WWOX: variants seen among roughly 807,000 people sequenced by gnomAD.
WWOX encodes WW domain containing oxidoreductase, also known as WW domain-containing oxidoreductase.
WWOX carries 69 observed loss-of-function variants against 46.2 expected under a neutral mutation model. The observed-to-expected ratio is 1.49, with a 90% CI of 1.23 to 1.82. WWOX has a LOEUF of 1.82. Among genes scored for constraint, WWOX ranks in the 40% most tolerant of loss-of-function variants. WWOX has a pLI of 0.00. For synonymous variants in WWOX, 359 were observed against 202.6 expected, an observed-to-expected ratio of 1.77 and a Z score of -6.56; for missense variants, 919 against 542.6, an observed-to-expected ratio of 1.69 and a Z score of -6.89.
At chr16:78,519,913 C>T (rs995807175) in intron 8 of WWOX, among the ~76,000 whole-genome samples, 1 of 152,156 alleles carries the variant, frequency 6.6e-6, no homozygotes, top group Admixed American at 6.6e-5. Context: ...CGTGAATGGA[C>T]TAAAGGTTTT....
chr16:79,182,932 T>C (rs1188209685), intron 8 of WWOX, among the ~76,000 whole-genome samples: 3 of 152,204 alleles, frequency 2.0e-5, no homozygotes, highest in Non-Finnish European at 4.4e-5. Flanking sequence ...GAAAGTAGGC[T>C]GAGGGAGCTC....
At chr16:78,419,625 C>CA (rs60762734) in intron 6 of WWOX, among the ~76,000 whole-genome samples, 3,911 of 44,422 alleles carry the variant, frequency 0.088, 75 homozygotes, top group Non-Finnish European at 0.11. Context: ...CAAAAAATAG[C>CA]AAAAAAAAAA....
chr16:78,173,827 T>C (rs1192896658), intron 5 of WWOX, among the ~76,000 whole-genome samples: 1 of 152,230 alleles, frequency 6.6e-6, no homozygotes, highest in Non-Finnish European at 1.5e-5. Flanking sequence ...TATTTATTCT[T>C]ACAGTTCTAG....
intron 4 of WWOX, among the ~76,000 whole-genome samples, chr16:78,156,066 C>G (rs1749336228): frequency 6.6e-6 from 1 of 152,134 alleles, no homozygotes; most frequent in Admixed American, 6.5e-5. Flanking sequence ...AGTAGACTAG[C>G]AACGGGTAAT....
intron 8 of WWOX, among the ~76,000 whole-genome samples, chr16:78,656,687 G>A (rs183294362): frequency 4.3e-4 from 65 of 152,222 alleles, no homozygotes; most frequent in African/African-American, 1.5e-3. Flanking sequence ...GTGAAATTTT[G>A]GCTGGGACAC....
chr16:78,106,619 T>C, intron 1 of WWOX, among the ~76,000 whole-genome samples: 1 of 152,032 alleles, frequency 6.6e-6, no homozygotes, highest in East Asian at 1.9e-4. Flanking sequence ...TTTCTCCATG[T>C]TGTTCAGGCT....
intron 8 of WWOX, among the ~76,000 whole-genome samples, chr16:79,025,179 G>T (rs933187088): frequency 6.6e-6 from 1 of 152,090 alleles, no homozygotes; most frequent in African/African-American, 2.4e-5. Flanking sequence ...CCCCTGTGTC[G>T]GACTTGTTTC....
Position 78,390,846 on chromosome 16 carries a change from G to T in WWOX, c.605+3898G>T, listed in dbSNP as rs1217374800. On this transcript the variant is annotated intron_variant, in intron 6 of 8. Transcript: ENST00000566780. The stretch of plus-strand genomic sequence containing the variant: ...CAGTTCAGAACCAATCTCTTTTCAC[G>T]CTGTTGCATTGAGGAGAGGAAAAAA... 3.9e-5 allele frequency among the ~76,000 whole-genome samples: 6 copies of T among 152,144 alleles called. No individual in the cohort carries two copies. In the South Asian group the frequency reaches 1.2e-3, roughly 32 times the overall value.
intron 8 of WWOX, among the ~76,000 whole-genome samples, chr16:79,179,777 C>A (rs926869586): frequency 1.3e-5 from 2 of 152,164 alleles, no homozygotes; most frequent in Non-Finnish European, 2.9e-5. Flanking sequence ...ACCTTGAATC[C>A]CTTAACTCCT....
chr16:78,929,112 A>G (rs1597163806), intron 8 of WWOX, among the ~76,000 whole-genome samples: 2 of 152,318 alleles, frequency 1.3e-5, no homozygotes, highest in East Asian at 1.9e-4. Flanking sequence ...ATCAAAATGT[A>G]TTTAACGCTC....
In WWOX at chr16:79,032,257, A is replaced by T. The variant is rs932708040; in HGVS notation, c.1057-179351A>T. 4.8e-5 allele frequency among the ~76,000 whole-genome samples: 7 copies of T among 146,440 alleles called. No individual in the cohort carries two copies. The Admixed American group carries it at 4.9e-4, about 10-fold the overall frequency. Reference sequence around the variant, plus strand: ...GTATAGAGAGTCTATTATATATATTACATATACATAATATATACATAATAT... The same window carrying T: ...GTATAGAGAGTCTATTATATATATTTCATATACATAATATATACATAATAT... On this transcript the variant is annotated intron_variant, in intron 8 of 8. Coordinates refer to ENST00000566780, the MANE Select transcript of WWOX (RefSeq NM_016373.4).
intron 5 of WWOX, among the ~76,000 whole-genome samples, chr16:78,331,644 T>G (rs2080761428): frequency 6.6e-6 from 1 of 152,202 alleles, no homozygotes; most frequent in Admixed American, 6.5e-5. Context: ...CTTATTTCAC[T>G]GGGTTCATGG....
chr16:78,438,372 A>G (rs895060150), intron 8 of WWOX, among the ~76,000 whole-genome samples: 1 of 152,092 alleles, frequency 6.6e-6, no homozygotes, highest in East Asian at 1.9e-4. Flanking sequence ...CCTGGCATCC[A>G]TATCTAGTTA....
intron 5 of WWOX, among the ~76,000 whole-genome samples, chr16:78,187,707 G>A (rs548219032): frequency 1.3e-5 from 2 of 152,146 alleles, no homozygotes; most frequent in African/African-American, 2.4e-5. Flanking sequence ...AACAGAAATC[G>A]GTTCCTTAAC....
chr16:78,536,213 C>T (rs1225348351), intron 8 of WWOX, among the ~76,000 whole-genome samples: 8 of 152,112 alleles, frequency 5.3e-5, no homozygotes, highest in Admixed American at 3.9e-4. Flanking sequence ...GTGCCATTCT[C>T]CTCCCTTTTG....
chr16:78,356,997 C>T (rs977934818), intron 5 of WWOX, among the ~76,000 whole-genome samples: 1 of 152,170 alleles, frequency 6.6e-6, no homozygotes, highest in Non-Finnish European at 1.5e-5. Context: ...CCATGTATAC[C>T]TTTGCCTCAG....
intron 8 of WWOX, among the ~76,000 whole-genome samples, chr16:78,985,195 C>G (rs1423019247): frequency 6.6e-6 from 1 of 152,210 alleles, no homozygotes. Flanking sequence ...TCTTCCAGGA[C>G]TTAACTCTGG....
At chr16:79,200,315 C>T (rs2051322001) in intron 8 of WWOX, among the ~76,000 whole-genome samples, 1 of 152,160 alleles carries the variant, frequency 6.6e-6, no homozygotes, top group Admixed American at 6.5e-5. Context: ...AAATAAGTAT[C>T]CCGCTCTCAG....
chr16:78,605,903 C>T (rs906439383), intron 8 of WWOX, among the ~76,000 whole-genome samples: 5 of 152,188 alleles, frequency 3.3e-5, no homozygotes, highest in African/African-American at 9.7e-5. Context: ...AGTTCAAATA[C>T]CTCTTGCATG....
Sources: gnomAD v4.1 joint callset for allele counts (sites outside exome capture counted in the v4.1 genomes callset) on GRCh38, gnomAD v4.1.1 for gene constraint, MANE v1.5 for transcripts, NCBI Gene and HGNC (gene_info 2026-07-23, HGNC 2026-07-21) for gene names.